Variants in CP observed in about 807,000 individuals in gnomAD.
CP encodes caeruloplasmin.
Under a neutral mutation model 122.4 loss-of-function variants are expected in CP, and 64 were observed. The observed-to-expected ratio is 0.52, with a 90% CI of 0.43 to 0.64. CP has a LOEUF of 0.64. Ranked by LOEUF, CP falls within the 30% of genes least tolerant of loss-of-function variation. The pLI is 0.00. For missense variants in CP, 1,167 were observed against 1,284.4 expected (o/e 0.91, Z 1.40); for synonymous variants, 440 against 436.4 (o/e 1.01, Z -0.10).
intron 4 of CP, among the ~76,000 whole-genome samples, chr3:149,166,457 T>G (rs958460237): frequency 1.1e-4 from 17 of 152,204 alleles, no homozygotes; most frequent in East Asian, 9.6e-4. Context: ...TGTATGTGCA[T>G]TTACCTATGT....
Position 149,197,647 on chromosome 3 carries a change from A to AT in CP, c.1713+719dup, listed in dbSNP as rs575815299. Among the ~76,000 whole-genome samples, 29 of 152,280 alleles carry AT rather than the reference A, an allele frequency of 1.9e-4. No individual in the cohort carries two copies. The East Asian group carries it at 5.6e-3, about 29-fold the overall frequency. Reference sequence around the variant, plus strand: ...ACCAGGGACCGGTTTCACGGAAGACATTTTTTCTACAAAAACTTGGGAAAG... The same window carrying AT: ...ACCAGGGACCGGTTTCACGGAAGACATTTTTTTCTACAAAAACTTGGGAAAG... On this transcript the variant is annotated intron_variant, in intron 9 of 18. Transcript: ENST00000264613.
At chr3:149,189,422 C>T (rs535972208) in intron 9 of CP, among the ~76,000 whole-genome samples, 4 of 150,596 alleles carry the variant, frequency 2.7e-5, no homozygotes, top group South Asian at 2.1e-4. Context: ...GGTGTGATGG[C>T]GGGCTCCTGT....
chr3:149,208,703 T>TA (rs1727915867), intron 4 of CP, among the ~76,000 whole-genome samples: 2 of 152,134 alleles, frequency 1.3e-5, no homozygotes, highest in South Asian at 2.1e-4. Context: ...GTCTAAACTG[T>TA]AAAAAAAGCA....
At chr3:149,179,465 G>C (rs1725639759) in intron 15 of CP, 91 bp downstream of exon 15, 2 of 965,192 alleles carry the variant, frequency 2.1e-6, no homozygotes, top group East Asian at 2.6e-5. Flanking sequence ...TTTTAACGTA[G>C]AATTGGACCA....
In CP at chr3:149,198,423, G is replaced by A. The variant is rs568470269; in HGVS notation, c.1657C>T (p.Leu553Phe). 2 of 1,613,488 alleles carry A rather than the reference G, an allele frequency of 1.2e-6. No individual in the cohort carries two copies. Among genetic ancestry groups the A allele is most frequent in the East Asian group, 2.2e-5 (1 of 44,874 alleles). Residue 553 changes from leucine (L) to phenylalanine (F), a missense_variant, in exon 9 of 19, where the codon CTT becomes TTT. Transcript: ENST00000264613. ...TTGCATATTTTCATTGGCCCAATAA[G>A]CCCAGTGAATATATCTTTAGTGGGT... The part of the protein sequence containing the change: ...VEPTKDIFTG[L>F]IGPMKICKKG...
intron 1 of CP, 112 bp downstream of exon 1, chr3:149,221,535 C>T (rs2108322112): frequency 1.0e-6 from 1 of 971,892 alleles, no homozygotes; most frequent in South Asian, 1.8e-5. Context: ...TTCAAGCCCA[C>T]ATTTTGCAGT....
intron 1 of CP, among the ~76,000 whole-genome samples, chr3:149,219,762 G>T (rs1240638822): frequency 6.6e-6 from 1 of 152,200 alleles, no homozygotes. Flanking sequence ...TTTGGAATTG[G>T]GTAGCAGGCA....
At chr3:149,179,219 C>T (rs1430243024) in intron 15 of CP, among the ~76,000 whole-genome samples, 3 of 152,174 alleles carry the variant, frequency 2.0e-5, no homozygotes, top group African/African-American at 7.2e-5. Context: ...TCTCTTCCCC[C>T]TCCAAGCCTT....
intron 15 of CP, 82 bp downstream of exon 15, chr3:149,179,474 C>A: frequency 9.5e-7 from 1 of 1,052,696 alleles, no homozygotes; most frequent in Non-Finnish European, 1.5e-6. Flanking sequence ...AGAATTGGAC[C>A]ACAGGAAAAC....
At chr3:149,192,480 A>C (rs1168891248) in intron 9 of CP, among the ~76,000 whole-genome samples, 2 of 138,738 alleles carry the variant, frequency 1.4e-5, no homozygotes, top group African/African-American at 2.6e-5. Flanking sequence ...TTTTCTAAGT[A>C]TGATACAAAA....
chr3:149,176,110 T>G, intron 18 of CP, 140 bp downstream of exon 18: 1 of 802,874 alleles, frequency 1.2e-6, no homozygotes, highest in Non-Finnish European at 2.0e-6. Flanking sequence ...TGTTTGGAGG[T>G]AGAGAAGGAA....
At chr3:149,214,581 G>A (rs1233607476) in intron 1 of CP, among the ~76,000 whole-genome samples, 1 of 152,186 alleles carries the variant, frequency 6.6e-6, no homozygotes, top group East Asian at 1.9e-4. Flanking sequence ...TGCAGCCTGT[G>A]TGGAGCAGCA....
exon 6 of CP, chr3:149,162,716 A>G: frequency 6.2e-7 from 1 of 1,614,030 alleles, no homozygotes; most frequent in East Asian, 2.2e-5. Context: ...ATGAAGATAC[A>G]ATTCCTCAGC....
rs757785679 is a variant in CP, at chr3:149,210,360, G to A, written c.414C>T (p.Asn138=). The A allele has an allele frequency of 6.2e-7, 1 of 1,614,042 alleles. No individual in the cohort carries two copies. The highest frequency in any genetic ancestry group is 8.5e-7 in the Non-Finnish European group (1 of 1,179,904). The change falls in exon 3 of 19, where the codon AAC becomes AAT. Residue 138 remains asparagine, a synonymous_variant. Coordinates refer to ENST00000264613, the MANE Select transcript of CP (RefSeq NM_000096.4). ...CATCTGCTCTTTGAAAATCTGTGGT[G>A]TTATCAGGGTAGATGGCCCCTAGGA... ...KEHEGAIYPD[N]TTDFQRADDK...
downstream of CP, chr3:149,168,244 T>C (rs1163539656): frequency 1.4e-5 from 6 of 416,668 alleles, no homozygotes; most frequent in African/African-American, 1.2e-4. Flanking sequence ...AATGACAGCA[T>C]CAGTGTTTTA....
intron 14 of CP, among the ~76,000 whole-genome samples, chr3:149,180,309 C>G (rs993041571): frequency 6.6e-6 from 1 of 152,170 alleles, no homozygotes; most frequent in Non-Finnish European, 1.5e-5. Flanking sequence ...AGGACATAAC[C>G]ACACCCTCGG....
At chr3:149,174,939 T>C (rs1725313774) in intron 18 of CP, among the ~76,000 whole-genome samples, 1 of 152,196 alleles carries the variant, frequency 6.6e-6, no homozygotes, top group Non-Finnish European at 1.5e-5. Context: ...ATTTTTACTA[T>C]AGCTTTAAAA....
intron 9 of CP, among the ~76,000 whole-genome samples, chr3:149,196,652 C>A (rs1559947733): frequency 6.6e-6 from 1 of 152,078 alleles, no homozygotes; most frequent in Non-Finnish European, 1.5e-5. Flanking sequence ...AAAAAGGATA[C>A]TTTGAACATC....
chr3:149,212,316 AAAT>A, intron 2 of CP, 132 bp downstream of exon 2: 1 of 975,156 alleles, frequency 1.0e-6, no homozygotes, highest in South Asian at 1.9e-5. Context: ...AATTAAAAAA[AAAT>A]AAAAAAAAAA....
Sources: gnomAD v4.1 joint callset for allele counts (sites outside exome capture counted in the v4.1 genomes callset) on GRCh38, gnomAD v4.1.1 for gene constraint, MANE v1.5 for transcripts, NCBI Gene and HGNC (gene_info 2026-07-23, HGNC 2026-07-21) for gene names.